ZSCAN5A: variants seen among roughly 807,000 people sequenced by gnomAD.
The protein encoded by ZSCAN5A is zinc finger and SCAN domain-containing protein 5A.
In ZSCAN5A, 12 loss-of-function variants were observed where a neutral mutation model predicts 23.7. The observed-to-expected ratio is 0.51, with a 90% CI of 0.32 to 0.82. The LOEUF is 0.82. Ranked by LOEUF, ZSCAN5A falls within the 40% of genes least tolerant of loss-of-function variation. The probability of loss-of-function intolerance (pLI) is 0.03; values close to 1 mark genes in which losing one functional copy is unlikely to be tolerated. For missense variants in ZSCAN5A, 597 were observed against 617.9 expected, an observed-to-expected ratio of 0.97 and a Z score of 0.36; for synonymous variants, 257 against 239.9, an observed-to-expected ratio of 1.07 and a Z score of -0.66.
chr19:56,275,240 G>A (rs1407280965), intron 2 of ZSCAN5A, among the ~76,000 whole-genome samples: 2 of 152,076 alleles, frequency 1.3e-5, no homozygotes, highest in Non-Finnish European at 2.9e-5. Context: ...TCCAATTTTT[G>A]CCCATTAATT....
At chr19:56,227,638 T>C (rs1162557209) in intron 2 of ZSCAN5A, among the ~76,000 whole-genome samples, 1 of 152,240 alleles carries the variant, frequency 6.6e-6, no homozygotes, top group Non-Finnish European at 1.5e-5. Flanking sequence ...TGGGAGTATA[T>C]ACCACACGGG....
chr19:56,234,507 AC>A (rs1568622844), intron 2 of ZSCAN5A, among the ~76,000 whole-genome samples: 1 of 151,952 alleles, frequency 6.6e-6, no homozygotes, highest in African/African-American at 2.4e-5. Context: ...TAAAAAAAAA[AC>A]AACAAGGAAG....
intron 2 of ZSCAN5A, chr19:56,302,768 GC>G (rs896980057): frequency 1.7e-4 from 65 of 380,066 alleles, no homozygotes; most frequent in Non-Finnish European, 2.3e-4. Context: ...CACTAACACA[GC>G]CCCAGGGGCT....
intron 2 of ZSCAN5A, among the ~76,000 whole-genome samples, chr19:56,269,305 T>G (rs143436883): frequency 5.8e-4 from 89 of 152,302 alleles, no homozygotes; most frequent in African/African-American, 2.0e-3. Context: ...CATTCACAAT[T>G]ATATGGCATA....
At chr19:56,315,917 T>C (rs1332758291), upstream of ZSCAN5A, 4 of 152,234 alleles carry the variant, frequency 2.6e-5, no homozygotes, top group East Asian at 5.8e-4. Flanking sequence ...TTCTTACCTT[T>C]TCTTTGGAGA....
chr19:56,271,202 A>G (rs559958253), intron 2 of ZSCAN5A, among the ~76,000 whole-genome samples: 1 of 152,186 alleles, frequency 6.6e-6, no homozygotes, highest in African/African-American at 2.4e-5. Context: ...AATGGCCTCT[A>G]ATTAACCACT....
intron 2 of ZSCAN5A, among the ~76,000 whole-genome samples, chr19:56,226,928 AC>A (rs1193030777): frequency 2.6e-5 from 4 of 152,038 alleles, no homozygotes; most frequent in African/African-American, 7.3e-5. Flanking sequence ...AGTTCAAATT[AC>A]AAAAAAAAAT....
chr19:56,363,994 T>C (rs2041749738), intron 1 of ZSCAN5A, among the ~76,000 whole-genome samples: 2 of 152,190 alleles, frequency 1.3e-5, no homozygotes, highest in South Asian at 4.1e-4. Context: ...TAGAGAAATT[T>C]GCATAAGTAA....
intron 2 of ZSCAN5A, among the ~76,000 whole-genome samples, chr19:56,270,948 ATCTGACTCATCTCTGTCCCCAGATCACAG>A: frequency 6.6e-6 from 1 of 152,354 alleles, no homozygotes; most frequent in South Asian, 2.1e-4. Context: ...CAAGGCCAGT[ATCTGACTCATCTCTGTCCCCAGATCACAG>A]TCTGGCAGAG....
rs1028864763 is a variant in ZSCAN5A, at chr19:56,221,309, A to T, written c.*266T>A. ...GAAACTCAGTTTTCCGTTATACAAT[A>T]TTGAAAACTAATAAGATGATCGTTT... On this transcript the variant is annotated 3_prime_UTR_variant, in exon 6 of 6. Transcript: ENST00000683990. 11 of 357,022 alleles carry T rather than the reference A, an allele frequency of 3.1e-5. No individual in the cohort carries two copies. Among genetic ancestry groups the T allele is most frequent in the Non-Finnish European group, 4.5e-5 (9 of 200,144 alleles). 22.1% of individuals were successfully genotyped at this position (357,022 alleles called of 1,614,324 possible). A position where few individuals can be genotyped will look rare whatever the true frequency, so the allele number is the denominator to read the frequency against.
At chr19:56,303,484 T>G (rs918234754) in intron 2 of ZSCAN5A, among the ~76,000 whole-genome samples, 1 of 64,278 alleles carries the variant, frequency 1.6e-5, no homozygotes, top group Non-Finnish European at 3.1e-5. Context: ...TTAAAGTAAA[T>G]AGAAAAAAAA....
chr19:56,243,728 G>A (rs1160578268), intron 2 of ZSCAN5A, among the ~76,000 whole-genome samples: 1 of 152,202 alleles, frequency 6.6e-6, no homozygotes, highest in Non-Finnish European at 1.5e-5. Context: ...TCAGAATCCA[G>A]GGGAGCATTA....
intron 2 of ZSCAN5A, chr19:56,296,257 G>C (rs1384793032): frequency 6.6e-6 from 1 of 152,392 alleles, no homozygotes; most frequent in African/African-American, 2.4e-5. Context: ...CTTGGGGCGA[G>C]CCTGCTGGAC....
intron 2 of ZSCAN5A, among the ~76,000 whole-genome samples, chr19:56,272,048 A>G (rs1441687391): frequency 6.6e-6 from 1 of 152,228 alleles, no homozygotes; most frequent in Non-Finnish European, 1.5e-5. Flanking sequence ...TGGAAATATC[A>G]TTATCCCAAC....
At chr19:56,223,118 G>T (rs1248721258) in intron 4 of ZSCAN5A, among the ~76,000 whole-genome samples, 1 of 152,062 alleles carries the variant, frequency 6.6e-6, no homozygotes, top group Non-Finnish European at 1.5e-5. Flanking sequence ...TGCTGGAGGG[G>T]GCGCTCCTGT....
intron 2 of ZSCAN5A, chr19:56,266,345 A>G (rs910596978): frequency 6.6e-6 from 1 of 152,092 alleles, no homozygotes; most frequent in Non-Finnish European, 1.5e-5. Context: ...TGCAGATCCA[A>G]CCTCAGTTAA....
At chr19:56,229,060 A>G (rs1167983023) in intron 2 of ZSCAN5A, among the ~76,000 whole-genome samples, 2 of 152,210 alleles carry the variant, frequency 1.3e-5, no homozygotes, top group Non-Finnish European at 2.9e-5. Flanking sequence ...GAAAAGCCTT[A>G]ACGGTGGGTG....
intron 2 of ZSCAN5A, among the ~76,000 whole-genome samples, chr19:56,329,390 C>G (rs574088251): frequency 1.3e-5 from 2 of 151,620 alleles, no homozygotes; most frequent in East Asian, 3.9e-4. Context: ...AAAAGTTGAA[C>G]TAAATAAAAA....
chr19:56,353,663 T>C (rs1261051783), intron 2 of ZSCAN5A, among the ~76,000 whole-genome samples: 5 of 151,734 alleles, frequency 3.3e-5, no homozygotes, highest in Non-Finnish European at 7.4e-5. Context: ...GCACCTGTAG[T>C]CCCAGCTACT....
Sources: gnomAD v4.1 joint callset for allele counts (sites outside exome capture counted in the v4.1 genomes callset) on GRCh38, gnomAD v4.1.1 for gene constraint, MANE v1.5 for transcripts, NCBI Gene and HGNC (gene_info 2026-07-23, HGNC 2026-07-21) for gene names.